Variants in COMMD10 observed in about 807,000 individuals in gnomAD.
The protein encoded by COMMD10 is COMM domain-containing protein 10.
COMMD10 carries 33 observed loss-of-function variants against 28.9 expected under a neutral mutation model. The observed-to-expected ratio is 1.14, with a 90% CI of 0.87 to 1.53. The LOEUF is 1.53. Ranked by LOEUF, COMMD10 falls within the 40% of genes most tolerant of loss-of-function variation. COMMD10 has a pLI of 0.00. For synonymous variants in COMMD10, 110 were observed against 81.7 expected (o/e 1.35, Z -1.87); for missense variants, 310 against 233.4 (o/e 1.33, Z -2.14).
At chr5:116,244,453 C>T (rs1247595898) in intron 5 of COMMD10, among the ~76,000 whole-genome samples, 1 of 151,658 alleles carries the variant, frequency 6.6e-6, no homozygotes, top group African/African-American at 2.4e-5. Flanking sequence ...GCAAAGAAGC[C>T]AGTCTAGTGA....
intron 5 of COMMD10, among the ~76,000 whole-genome samples, chr5:116,263,255 A>G (rs1350178653): frequency 6.6e-6 from 1 of 151,734 alleles, no homozygotes; most frequent in Non-Finnish European, 1.5e-5. Context: ...ATCTTGCCCA[A>G]ATTCCTACAT....
At position 116,188,848 on chromosome 5, in the gene COMMD10, G is replaced by A. The variant is rs145463326; in HGVS notation, c.510+54670G>A. ...TTTCTCCATGTTGCCCAGGCTAGTC[G>A]TGAACTTGTGAGTTCAAGCAGTTCA... On this transcript the variant is annotated intron_variant, in intron 5 of 6. Coordinates refer to ENST00000274458, the MANE Select transcript of COMMD10 (RefSeq NM_016144.4). Among the ~76,000 whole-genome samples the A allele has an allele frequency of 5.9e-3, 894 of 152,096 alleles. 6 individuals are homozygous for A. The highest frequency in any genetic ancestry group is 0.02 in the Middle Eastern group (6 of 294).
chr5:116,210,605 A>G (rs1748936548), intron 5 of COMMD10, among the ~76,000 whole-genome samples: 1 of 152,128 alleles, frequency 6.6e-6, no homozygotes, highest in African/African-American at 2.4e-5. Context: ...AGCATTTATG[A>G]ATAGTCTGTG....
intron 5 of COMMD10, among the ~76,000 whole-genome samples, chr5:116,265,327 A>C (rs1408711902): frequency 6.6e-6 from 1 of 151,688 alleles, no homozygotes; most frequent in South Asian, 2.1e-4. Context: ...TTGATTATTC[A>C]TGTAAAGGGC....
intron 5 of COMMD10, among the ~76,000 whole-genome samples, chr5:116,162,519 G>C (rs981315807): frequency 6.6e-6 from 1 of 152,148 alleles, no homozygotes; most frequent in Non-Finnish European, 1.5e-5. Context: ...TAATAAGACT[G>C]CTACTACATA....
chr5:116,130,827 G>T (rs1422432633), intron 4 of COMMD10, among the ~76,000 whole-genome samples: 1 of 151,930 alleles, frequency 6.6e-6, no homozygotes, highest in South Asian at 2.1e-4. Context: ...GTATCCTTTT[G>T]TCAGATGGCT....
chr5:116,215,335 G>A (rs1471804293), intron 5 of COMMD10, among the ~76,000 whole-genome samples: 1 of 151,978 alleles, frequency 6.6e-6, no homozygotes, highest in East Asian at 1.9e-4. Context: ...ATTATAGCTA[G>A]TATTGATGCA....
intron 4 of COMMD10, among the ~76,000 whole-genome samples, chr5:116,102,861 C>A (rs1040157816): frequency 6.6e-6 from 1 of 152,026 alleles, no homozygotes; most frequent in African/African-American, 2.4e-5. Context: ...TCCCCCACCC[C>A]TTATGTCCAT....
intron 5 of COMMD10, among the ~76,000 whole-genome samples, chr5:116,135,179 A>G (rs976287998): frequency 1.3e-5 from 2 of 152,194 alleles, no homozygotes; most frequent in Non-Finnish European, 2.9e-5. Context: ...AATAGAATTG[A>G]GAATGAGGTA....
chr5:116,240,380 C>G (rs1033155580), intron 5 of COMMD10, among the ~76,000 whole-genome samples: 8 of 152,104 alleles, frequency 5.3e-5, no homozygotes, highest in Non-Finnish European at 1.0e-4. Context: ...ATCTGCCTGT[C>G]CCAAGCATAA....
chr5:116,167,046 C>T lies in COMMD10; in HGVS notation c.510+32868C>T, dbSNP rs548138672. 2.3e-4 allele frequency among the ~76,000 whole-genome samples: 35 copies of T among 152,060 alleles called. No homozygotes were observed. In the South Asian group the frequency reaches 7.3e-3, roughly 32 times the overall value. ...GCTTCAGAAAATGGGTTATAACAAA[C>T]TTCTCCGAGCTAAAGGAGCATGTTC... On this transcript the variant is annotated intron_variant, in intron 5 of 6. Transcript: ENST00000274458.
At chr5:116,207,820 A>C (rs1748853988) in intron 5 of COMMD10, among the ~76,000 whole-genome samples, 1 of 152,104 alleles carries the variant, frequency 6.6e-6, no homozygotes. Context: ...TGCCCTGCCA[A>C]AAATCAGTAT....
At chr5:116,203,651 G>C (rs1748732478) in intron 5 of COMMD10, among the ~76,000 whole-genome samples, 1 of 151,972 alleles carries the variant, frequency 6.6e-6, no homozygotes, top group Non-Finnish European at 1.5e-5. Flanking sequence ...AGCTTCATGA[G>C]TGAAGGAGAA....
chr5:116,141,947 A>G (rs1039706611), intron 5 of COMMD10, among the ~76,000 whole-genome samples: 2 of 151,898 alleles, frequency 1.3e-5, no homozygotes, highest in African/African-American at 2.4e-5. Flanking sequence ...CTCAAGTGAA[A>G]TGATTTTTTA....
At chr5:116,097,059 TC>T (rs1196021692) in intron 4 of COMMD10, among the ~76,000 whole-genome samples, 1 of 152,164 alleles carries the variant, frequency 6.6e-6, no homozygotes, top group Non-Finnish European at 1.5e-5. Flanking sequence ...CTTTTTAGTG[TC>T]TTCATGATGA....
intron 4 of COMMD10, among the ~76,000 whole-genome samples, chr5:116,130,862 A>G (rs1580472765): frequency 1.3e-5 from 2 of 152,114 alleles, no homozygotes; most frequent in East Asian, 1.9e-4. Context: ...TAAAATGAAC[A>G]TAATAAGTAT....
chr5:116,284,141 CAAACAAA>C (rs1031061229), intron 5 of COMMD10, among the ~76,000 whole-genome samples: 3 of 142,818 alleles, frequency 2.1e-5, no homozygotes, highest in Admixed American at 7.0e-5. Context: ...CAAAAATAAA[CAAACAAA>C]AAAGAATGAT....
chr5:116,160,322 A>G (rs913725394), intron 5 of COMMD10, among the ~76,000 whole-genome samples: 1 of 152,228 alleles, frequency 6.6e-6, no homozygotes, highest in South Asian at 2.1e-4. Context: ...AATTTAGCTC[A>G]AATTCATTTG....
chr5:116,261,647 G>A (rs183627881), intron 5 of COMMD10, among the ~76,000 whole-genome samples: 1 of 151,596 alleles, frequency 6.6e-6, no homozygotes, highest in African/African-American at 2.4e-5. Context: ...CCATTTTGTT[G>A]TCCTTATTTT....
Sources: gnomAD v4.1 joint callset for allele counts (sites outside exome capture counted in the v4.1 genomes callset) on GRCh38, gnomAD v4.1.1 for gene constraint, MANE v1.5 for transcripts, NCBI Gene and HGNC (gene_info 2026-07-23, HGNC 2026-07-21) for gene names.